DACH2: variants seen among roughly 807,000 people sequenced by gnomAD.
DACH2 encodes dachshund family transcription factor 2, also known as dachshund homolog 2.
A neutral mutation model predicts 35.8 loss-of-function variants in DACH2; 17 were observed. The ratio of observed to expected loss-of-function variants is 0.48; its 90% CI spans 0.33 to 0.71. The LOEUF (loss-of-function observed/expected upper bound fraction) is 0.71, where lower values mean the gene tolerates loss of function less well. Among genes scored for constraint, DACH2 ranks in the 30% least tolerant of loss-of-function variants. DACH2 has a pLI of 0.02. For synonymous variants in DACH2, 195 were observed against 177.3 expected, an observed-to-expected ratio of 1.10 and a Z score of -0.79; for missense variants, 469 against 472.7, an observed-to-expected ratio of 0.99 and a Z score of 0.07.
At chrX:86,409,942 A>G (rs1353929741) in intron 2 of DACH2, among the ~76,000 whole-genome samples, 2 of 112,105 alleles carry the variant, frequency 1.8e-5, no homozygotes, top group African/African-American at 3.2e-5. Flanking sequence ...GCAGTTCCCC[A>G]AAGGCATTCT....
chrX:86,563,663 C>G (rs1289206692), intron 3 of DACH2, among the ~76,000 whole-genome samples: 1 of 110,038 alleles, frequency 9.1e-6, no homozygotes, highest in East Asian at 2.9e-4. Flanking sequence ...GTCATGTAAG[C>G]AGTCTCATGT....
chrX:86,157,759 C>T (rs2030598653), intron 1 of DACH2, among the ~76,000 whole-genome samples: 1 of 111,413 alleles, frequency 9.0e-6, no homozygotes, highest in African/African-American at 3.3e-5. Context: ...ATAGTACTAT[C>T]ATCACAAACA....
chrX:86,306,460 C>T (rs763484462), intron 1 of DACH2, among the ~76,000 whole-genome samples: 3 of 111,867 alleles, frequency 2.7e-5, no homozygotes, highest in African/African-American at 6.5e-5. Context: ...GAGTATTAAT[C>T]CTGGGTGTGT....
intron 2 of DACH2, among the ~76,000 whole-genome samples, chrX:86,414,882 G>A (rs761285219): frequency 3.6e-5 from 4 of 111,405 alleles, no homozygotes; most frequent in African/African-American, 9.8e-5. Context: ...AACCACTCAC[G>A]GTACCAAAAT....
chrX:86,450,700 G>T (rs2037360458), intron 2 of DACH2, among the ~76,000 whole-genome samples: 1 of 108,151 alleles, frequency 9.2e-6, no homozygotes, highest in African/African-American at 3.4e-5. Context: ...GTATAAAAGG[G>T]TTCCTTTTCC....
intron 1 of DACH2, among the ~76,000 whole-genome samples, chrX:86,281,883 A>T (rs938340919): frequency 6.2e-5 from 7 of 112,149 alleles, no homozygotes; most frequent in African/African-American, 2.3e-4. Flanking sequence ...CCAAATCATG[A>T]GTGAACTCCC....
At chrX:86,209,350 C>T (rs781662542) in intron 1 of DACH2, among the ~76,000 whole-genome samples, 4 of 111,344 alleles carry the variant, frequency 3.6e-5, no homozygotes, top group Non-Finnish European at 5.7e-5. Context: ...TCTAACCCTC[C>T]GTAAACACAA....
At chrX:86,657,267 A>C (rs2040554087) in intron 4 of DACH2, among the ~76,000 whole-genome samples, 1 of 110,918 alleles carries the variant, frequency 9.0e-6, no homozygotes, top group Non-Finnish European at 1.9e-5. Context: ...TGTGGATAAC[A>C]CAAAGCGTGA....
chrX:86,574,985 A>T (rs906538047), intron 3 of DACH2, among the ~76,000 whole-genome samples: 3 of 111,946 alleles, frequency 2.7e-5, no homozygotes, highest in Non-Finnish European at 5.6e-5. Context: ...TATTTCTTAA[A>T]TACTAATTTA....
chrX:86,673,357 A>AG (rs2040790413), intron 4 of DACH2, among the ~76,000 whole-genome samples: 1 of 107,790 alleles, frequency 9.3e-6, no homozygotes, highest in African/African-American at 3.4e-5. Flanking sequence ...AAAAAAAAAA[A>AG]AAGAAGAAGA....
At chrX:86,769,808 T>G (rs2041970243) in intron 7 of DACH2, among the ~76,000 whole-genome samples, 2 of 110,302 alleles carry the variant, frequency 1.8e-5, no homozygotes, top group African/African-American at 6.6e-5. Flanking sequence ...TTACTGGTTT[T>G]GAAACCTTAA....
chrX:86,693,466 G>A (rs1486959111), intron 4 of DACH2, among the ~76,000 whole-genome samples: 1 of 112,033 alleles, frequency 8.9e-6, no homozygotes, highest in African/African-American at 3.2e-5. Flanking sequence ...CCACAAAAGA[G>A]CTTGAAAGAA....
intron 1 of DACH2, among the ~76,000 whole-genome samples, chrX:86,201,442 A>T (rs1231690812): frequency 1.8e-5 from 2 of 111,234 alleles, no homozygotes; most frequent in Admixed American, 1.9e-4. Flanking sequence ...CTTAAACATT[A>T]AAAAAGAAAA....
intron 1 of DACH2, among the ~76,000 whole-genome samples, chrX:86,279,072 C>G (rs1170902958): frequency 1.8e-5 from 2 of 112,127 alleles, no homozygotes; most frequent in Non-Finnish European, 3.8e-5. Context: ...ACTCCCATCT[C>G]CCTGGGACAG....
intron 1 of DACH2, among the ~76,000 whole-genome samples, chrX:86,337,630 G>A (rs748040430): frequency 2.9e-4 from 32 of 112,072 alleles, no homozygotes; most frequent in South Asian, 1.1e-3. Flanking sequence ...AAAGGCCATC[G>A]ACACTATGGA....
At chrX:86,707,482 A>G (rs868149553) in intron 5 of DACH2, among the ~76,000 whole-genome samples, 22 of 111,885 alleles carry the variant, frequency 2.0e-4, no homozygotes, top group Non-Finnish European at 9.4e-5. Flanking sequence ...AACTCATTCT[A>G]TGAGATCAGA....
intron 2 of DACH2, among the ~76,000 whole-genome samples, chrX:86,435,524 C>T: frequency 9.0e-6 from 1 of 111,619 alleles, no homozygotes; most frequent in East Asian, 2.8e-4. Flanking sequence ...ATGATCCATT[C>T]AGTATTATTG....
intron 3 of DACH2, among the ~76,000 whole-genome samples, chrX:86,564,591 G>T (rs2039270662): frequency 9.0e-6 from 1 of 111,414 alleles, no homozygotes; most frequent in South Asian, 3.7e-4. Flanking sequence ...TGCCTCTGGT[G>T]CTGGTAATTA....
rs1459683802 is a variant in DACH2 at position 86,590,247 on chromosome X, TGA to T, written c.641-60786_641-60785del. On this transcript the variant is annotated intron_variant, in intron 3 of 11. Coordinates refer to ENST00000373125, the MANE Select transcript of DACH2 (RefSeq NM_053281.3). ...GTAAAGGGCCATTGCTGAGGCAATTTGAGAACAGGAAGCAAAGCAAAAAAGAG... is the reference window on the plus strand; with the variant it reads ...GTAAAGGGCCATTGCTGAGGCAATTTGAACAGGAAGCAAAGCAAAAAAGAG... 2.7e-5 allele frequency among the ~76,000 whole-genome samples: 3 copies of T among 112,028 alleles called. No homozygotes were observed. In the Admixed American group the frequency reaches 2.9e-4, roughly 11 times the overall value.
Sources: allele counts gnomAD v4.1 joint callset (sites outside exome capture counted in the v4.1 genomes callset), GRCh38; gene constraint gnomAD v4.1.1; transcripts MANE v1.5; gene names NCBI Gene and HGNC (gene_info 2026-07-23, HGNC 2026-07-21).